Variants in VPS13B observed in about 807,000 individuals in gnomAD.
VPS13B encodes intermembrane lipid transfer protein VPS13B.
VPS13B carries 285 observed loss-of-function variants against 426.4 expected under a neutral mutation model. The ratio of observed to expected loss-of-function variants is 0.67; its 90% CI spans 0.61 to 0.74. The LOEUF (loss-of-function observed/expected upper bound fraction) is 0.74. Ranked by LOEUF, VPS13B falls within the 30% of genes least tolerant of loss-of-function variation. The pLI is 0.00. For missense variants in VPS13B, 4,537 were observed against 4,782.6 expected (o/e 0.95, Z 1.51); for synonymous variants, 1,676 against 1,676.4 (o/e 1.00, Z 0.01).
At chr8:99,695,240 C>T (rs1588630746) in intron 35 of VPS13B, among the ~76,000 whole-genome samples, 1 of 149,652 alleles carries the variant, frequency 6.7e-6, no homozygotes, top group Non-Finnish European at 1.5e-5. Context: ...TATAAAGACA[C>T]ATGCACACGT....
chr8:99,264,146 A>G (rs1471163805), intron 17 of VPS13B, among the ~76,000 whole-genome samples: 5 of 151,824 alleles, frequency 3.3e-5, no homozygotes, highest in Non-Finnish European at 7.4e-5. Flanking sequence ...TCAAACTCTG[A>G]CATAAACATA....
chr8:99,612,326 AAAG>A (rs1563824510), intron 33 of VPS13B, among the ~76,000 whole-genome samples: 2 of 152,328 alleles, frequency 1.3e-5, no homozygotes, highest in Admixed American at 6.5e-5. Flanking sequence ...AAAGAAAGTA[AAAG>A]TATTCAGCAC....
At chr8:99,481,219 T>C (rs1288930144) in intron 24 of VPS13B, among the ~76,000 whole-genome samples, 1 of 152,232 alleles carries the variant, frequency 6.6e-6, no homozygotes, top group Non-Finnish European at 1.5e-5. Flanking sequence ...GAAATTAAGA[T>C]GGTAGTTATT....
chr8:99,788,076 G>A (rs1159362797), intron 43 of VPS13B, among the ~76,000 whole-genome samples: 2 of 152,096 alleles, frequency 1.3e-5, no homozygotes, highest in Admixed American at 1.3e-4. Context: ...AAAACTACAG[G>A]TCAGGCATAG....
intron 39 of VPS13B, among the ~76,000 whole-genome samples, chr8:99,737,184 G>A (rs1315474025): frequency 2.3e-5 from 3 of 130,774 alleles, no homozygotes; most frequent in South Asian, 2.5e-4. Context: ...GCAGGGGCGC[G>A]ATCTCTGCTC....
Position 99,368,202 on chromosome 8 carries a change from T to C in VPS13B, c.2825-16006T>C, listed in dbSNP as rs370592910. Among the ~76,000 whole-genome samples the C allele has an allele frequency of 4.6e-5, 7 of 152,388 alleles. No homozygotes were observed. In the East Asian group the frequency reaches 5.8e-4, roughly 13 times the overall value. On this transcript the variant is annotated intron_variant, in intron 19 of 61. Coordinates refer to ENST00000357162, the MANE Select transcript of VPS13B (RefSeq NM_152564.5). Reference sequence around the variant, plus strand: ...AGAGACATATGATAGCCTTAGTTTTTGTATCCTGATTCTGTCCTTTTGACC... The same window carrying C: ...AGAGACATATGATAGCCTTAGTTTTCGTATCCTGATTCTGTCCTTTTGACC...
At chr8:99,156,806 TTC>T in intron 15 of VPS13B, 63 bp downstream of exon 15, 1 of 1,527,720 alleles carries the variant, frequency 6.5e-7, no homozygotes, top group East Asian at 2.3e-5. Flanking sequence ...TCAGATAAGT[TTC>T]TTTTTTCTTG....
intron 34 of VPS13B, among the ~76,000 whole-genome samples, chr8:99,657,822 GGAC>G (rs1447892529): frequency 2.6e-5 from 4 of 152,064 alleles, no homozygotes; most frequent in Non-Finnish European, 4.4e-5. Context: ...CTGATTCCAA[GGAC>G]ATGTACATTT....
At chr8:99,302,117 T>C (rs961201465) in intron 19 of VPS13B, among the ~76,000 whole-genome samples, 12 of 152,216 alleles carry the variant, frequency 7.9e-5, no homozygotes, top group Admixed American at 7.9e-4. Context: ...TGCACGAGGC[T>C]GTTCTGAAGT....
chr8:99,018,056 T>C (rs1419743699), intron 2 of VPS13B, among the ~76,000 whole-genome samples: 1 of 152,200 alleles, frequency 6.6e-6, no homozygotes, highest in Non-Finnish European at 1.5e-5. Context: ...ATTTTACCTC[T>C]TTTTATGGAT....
At chr8:99,484,744 G>A (rs867969625) in intron 25 of VPS13B, among the ~76,000 whole-genome samples, 4 of 151,152 alleles carry the variant, frequency 2.6e-5, no homozygotes, top group Admixed American at 6.6e-5. Context: ...ATATTCGATA[G>A]ACAAACACCT....
At chr8:99,696,773 C>G (rs1045951075) in intron 35 of VPS13B, 2 of 1,404,476 alleles carry the variant, frequency 1.4e-6, no homozygotes, top group African/African-American at 1.4e-5. Flanking sequence ...GGAAATCATG[C>G]GTTTTTCCAA....
intron 25 of VPS13B, among the ~76,000 whole-genome samples, chr8:99,486,822 G>A (rs562196298): frequency 8.0e-4 from 121 of 152,092 alleles, no homozygotes; most frequent in African/African-American, 2.3e-3. Context: ...TTTCCTCTTC[G>A]TTTCTGACAC....
At chr8:99,079,664 GT>G (rs1452313387) in intron 3 of VPS13B, among the ~76,000 whole-genome samples, 3 of 151,918 alleles carry the variant, frequency 2.0e-5, no homozygotes, top group Admixed American at 1.3e-4. Context: ...ATATAAAATT[GT>G]TTTTTTAGGT....
At chr8:99,661,809 A>G (rs1830237042) in intron 35 of VPS13B, among the ~76,000 whole-genome samples, 1 of 152,160 alleles carries the variant, frequency 6.6e-6, no homozygotes, top group African/African-American at 2.4e-5. Flanking sequence ...CTAATCTTCT[A>G]TACTTCAGTT....
intron 36 of VPS13B, among the ~76,000 whole-genome samples, chr8:99,714,390 A>G (rs1832829345): frequency 6.6e-6 from 1 of 152,164 alleles, no homozygotes; most frequent in Non-Finnish European, 1.5e-5. Flanking sequence ...ACAGCTCTAA[A>G]TAAGGGAAAT....
chr8:99,716,949 T>C (rs936639024), intron 36 of VPS13B, among the ~76,000 whole-genome samples: 3 of 152,212 alleles, frequency 2.0e-5, no homozygotes, highest in Non-Finnish European at 4.4e-5. Context: ...GAAAAAGTCA[T>C]AATGTTTTGG....
At chr8:99,744,481 A>G (rs972269075) in intron 39 of VPS13B, among the ~76,000 whole-genome samples, 2 of 152,240 alleles carry the variant, frequency 1.3e-5, no homozygotes, top group African/African-American at 4.8e-5. Context: ...TATATACCCA[A>G]AGGATTATAA....
chr8:99,118,706 C>T (rs1400150351), intron 7 of VPS13B, among the ~76,000 whole-genome samples: 2 of 152,166 alleles, frequency 1.3e-5, no homozygotes, highest in Admixed American at 6.5e-5. Context: ...TATGTTGTTG[C>T]ATGTAGCAGT....
Sources: gnomAD v4.1 joint callset for allele counts (sites outside exome capture counted in the v4.1 genomes callset) on GRCh38, gnomAD v4.1.1 for gene constraint, MANE v1.5 for transcripts, NCBI Gene and HGNC (gene_info 2026-07-23, HGNC 2026-07-21) for gene names.